BRINP3: variants seen among roughly 807,000 people sequenced by gnomAD.
BRINP3 encodes BMP/retinoic acid-inducible neural-specific protein 3.
BRINP3 carries 19 observed loss-of-function variants against 71.0 expected under a neutral mutation model. The observed-to-expected ratio is 0.27, with a 90% CI of 0.19 to 0.39. The LOEUF (loss-of-function observed/expected upper bound fraction) is 0.39. BRINP3 is among the 10% of genes least tolerant of loss of function. BRINP3 has a pLI of 1.00. For synonymous variants in BRINP3, 380 were observed against 337.7 expected (o/e 1.13, Z -1.37); for missense variants, 959 against 940.8 (o/e 1.02, Z -0.25).
intron 6 of BRINP3, among the ~76,000 whole-genome samples, chr1:190,205,203 A>G (rs1453132448): frequency 6.6e-6 from 1 of 151,722 alleles, no homozygotes; most frequent in Admixed American, 6.6e-5. Context: ...TAGAGGATGA[A>G]TAAACTTTCC....
Position 190,098,559 on chromosome 1 carries a change from G to A in BRINP3, c.1760C>T (p.Pro587Leu). The stretch of plus-strand genomic sequence containing the variant: ...GTCTGGAAAGCTGTTTTCATTCACA[G>A]GCATAAACCAGCTCTCAGAGTGGCT... ...GGSHSESWFM[P>L]VNENSFPDWE... is the part of the protein sequence containing the mutation. Residue 587 changes from proline to leucine, a missense_variant, in exon 8 of 8, where the codon CCT becomes CTT. Transcript: ENST00000367462. The A allele has an allele frequency of 6.2e-7, 1 of 1,614,152 alleles. No individual in the cohort carries two copies. Among genetic ancestry groups the A allele is most frequent in the South Asian group, 1.1e-5 (1 of 91,080 alleles).
chr1:190,277,648 A>T (rs1662700939), intron 3 of BRINP3, among the ~76,000 whole-genome samples: 1 of 151,522 alleles, frequency 6.6e-6, no homozygotes, highest in Non-Finnish European at 1.5e-5. Flanking sequence ...TGTCATATTC[A>T]CTTATATTTT....
intron 6 of BRINP3, among the ~76,000 whole-genome samples, chr1:190,207,405 C>T (rs768917023): frequency 6.6e-6 from 1 of 151,956 alleles, no homozygotes; most frequent in Non-Finnish European, 1.5e-5. Context: ...GTTTGTTTTG[C>T]TGCCAATTAA....
intron 2 of BRINP3, among the ~76,000 whole-genome samples, chr1:190,292,588 G>T (rs636366): frequency 0.38 from 58,134 of 151,726 alleles, 12,476 homozygotes; most frequent in Non-Finnish European, 0.49. Context: ...AGGAAGTCTA[G>T]TCTACCTTGA....
chr1:190,471,395 A>G (rs1409484430), intron 1 of BRINP3, among the ~76,000 whole-genome samples: 1 of 151,414 alleles, frequency 6.6e-6, no homozygotes, highest in East Asian at 1.9e-4. Context: ...TTAGCAATCA[A>G]TAATATTCAC....
intron 1 of BRINP3, among the ~76,000 whole-genome samples, chr1:190,463,075 G>T (rs1402385009): frequency 6.6e-6 from 1 of 151,794 alleles, no homozygotes; most frequent in African/African-American, 2.4e-5. Context: ...TTATTGGGTT[G>T]AAAAGTATAA....
chr1:190,141,849 C>T (rs895400862), intron 7 of BRINP3, among the ~76,000 whole-genome samples: 1 of 151,928 alleles, frequency 6.6e-6, no homozygotes, highest in East Asian at 1.9e-4. Flanking sequence ...TGAGCCACCA[C>T]GCCTAGCCTT....
chr1:190,466,008 T>C (rs1433195850), intron 1 of BRINP3, among the ~76,000 whole-genome samples: 2 of 151,882 alleles, frequency 1.3e-5, no homozygotes, highest in Non-Finnish European at 2.9e-5. Context: ...ATAGAAAGTG[T>C]TCCACTTGCA....
chr1:190,335,824 C>G (rs1667251162), intron 2 of BRINP3, among the ~76,000 whole-genome samples: 1 of 151,836 alleles, frequency 6.6e-6, no homozygotes, highest in Non-Finnish European at 1.5e-5. Flanking sequence ...ATGTACATTG[C>G]CAGTTAAAGA....
At chr1:190,256,313 C>A (rs1349438060) in intron 4 of BRINP3, among the ~76,000 whole-genome samples, 2 of 151,882 alleles carry the variant, frequency 1.3e-5, no homozygotes, top group African/African-American at 4.8e-5. Flanking sequence ...GATTGCAACC[C>A]CTGCTTTTTT....
chr1:190,313,867 T>C (rs912240722), intron 2 of BRINP3, among the ~76,000 whole-genome samples: 11 of 152,048 alleles, frequency 7.2e-5, no homozygotes, highest in Admixed American at 2.0e-4. Flanking sequence ...ATGTGGATAA[T>C]TGGTGAACTA....
At chr1:190,417,162 A>G (rs1673060821) in intron 2 of BRINP3, among the ~76,000 whole-genome samples, 1 of 152,176 alleles carries the variant, frequency 6.6e-6, no homozygotes, top group African/African-American at 2.4e-5. Flanking sequence ...TACTAAAATG[A>G]AATCACAAAC....
At chr1:190,331,768 T>C (rs1324220922) in intron 2 of BRINP3, among the ~76,000 whole-genome samples, 5 of 114,412 alleles carry the variant, frequency 4.4e-5, no homozygotes, top group Non-Finnish European at 8.7e-5. Flanking sequence ...AAGAATTAAC[T>C]CATACTTATA....
intron 6 of BRINP3, among the ~76,000 whole-genome samples, chr1:190,185,631 A>T (rs1439734755): frequency 6.6e-6 from 1 of 152,184 alleles, no homozygotes; most frequent in African/African-American, 2.4e-5. Flanking sequence ...TAGTAGAAAT[A>T]ATGTAGACAT....
chr1:190,240,473 GTTTGT>G (rs555051818), intron 4 of BRINP3, among the ~76,000 whole-genome samples: 535 of 152,138 alleles, frequency 3.5e-3, no homozygotes, highest in African/African-American at 0.012. Context: ...TTTTAAAACA[GTTTGT>G]TTCAAACAGT....
intron 2 of BRINP3, among the ~76,000 whole-genome samples, chr1:190,363,072 C>A (rs1669252780): frequency 6.6e-6 from 1 of 152,020 alleles, no homozygotes; most frequent in South Asian, 2.1e-4. Flanking sequence ...ACCAGGGAAT[C>A]CCTTGGGAAA....
intron 6 of BRINP3, among the ~76,000 whole-genome samples, chr1:190,190,562 G>A (rs1653943371): frequency 6.6e-6 from 1 of 151,982 alleles, no homozygotes; most frequent in East Asian, 1.9e-4. Context: ...CCTCTGTGAA[G>A]TCTTGATAAT....
intron 2 of BRINP3, among the ~76,000 whole-genome samples, chr1:190,345,716 A>G (rs891367596): frequency 9.5e-5 from 4 of 41,958 alleles, no homozygotes; most frequent in Admixed American, 4.4e-4. Flanking sequence ...TTACCTTCAG[A>G]AAAAAAAAAA....
intron 4 of BRINP3, among the ~76,000 whole-genome samples, chr1:190,261,561 A>C (rs1017661026): frequency 2.0e-5 from 3 of 152,130 alleles, no homozygotes; most frequent in African/African-American, 7.2e-5. Context: ...TGTAAGAATT[A>C]GCGTGATAAA....
Sources: gnomAD v4.1 joint callset for allele counts (sites outside exome capture counted in the v4.1 genomes callset) on GRCh38, gnomAD v4.1.1 for gene constraint, MANE v1.5 for transcripts, NCBI Gene and HGNC (gene_info 2026-07-23, HGNC 2026-07-21) for gene names.